BCL2L15: variants seen among roughly 807,000 people sequenced by gnomAD.
BCL2L15 encodes bcl-2-like protein 15.
Under a neutral mutation model 18.3 loss-of-function variants are expected in BCL2L15, and 15 were observed. The observed-to-expected ratio is 0.82, with a 90% CI of 0.55 to 1.26. The LOEUF (loss-of-function observed/expected upper bound fraction) is 1.26, where lower values mean the gene tolerates loss of function less well. BCL2L15 is among the 50% of genes most tolerant of loss of function. The pLI, the probability that BCL2L15 is intolerant of heterozygous loss-of-function variation, is 0.00. For missense variants in BCL2L15, 180 were observed against 201.7 expected, an observed-to-expected ratio of 0.89 and a Z score of 0.65; for synonymous variants, 58 against 68.5, an observed-to-expected ratio of 0.85 and a Z score of 0.76.
Position 113,881,028 on chromosome 1 carries a change from G to GT in BCL2L15, c.*94dup. On this transcript the variant is annotated 3_prime_UTR_variant, in exon 4 of 4. Coordinates refer to ENST00000393316, the MANE Select transcript of BCL2L15 (RefSeq NM_001010922.3). ...GTTCAGTTCTGATAAAATGAAAAAA[G>GT]TGCTTTTTTATTTGTTTGTTTGAAT... 3.2e-6 allele frequency: 5 copies of GT among 1,564,828 alleles called. No homozygotes were observed. The highest frequency in any genetic ancestry group is 4.4e-6 in the Non-Finnish European group (5 of 1,137,896).
chr1:113,877,826 A>G lies in BCL2L15; in HGVS notation c.*3297T>C, dbSNP rs748580552. Among the ~76,000 whole-genome samples, 1 of 152,208 alleles carries G rather than the reference A, an allele frequency of 6.6e-6. No individual in the cohort carries two copies. The highest frequency in any genetic ancestry group is 2.4e-5 in the African/African-American group (1 of 41,448). On this transcript the variant is annotated 3_prime_UTR_variant, in exon 4 of 4. Coordinates refer to ENST00000393316, the MANE Select transcript of BCL2L15 (RefSeq NM_001010922.3). Reference sequence around the variant, plus strand: ...CAGGACAAAAATGAAGTAACAAATGAGAAAAACTAGTTGGGTGAGTTGGAC... The same window carrying G: ...CAGGACAAAAATGAAGTAACAAATGGGAAAAACTAGTTGGGTGAGTTGGAC...
Position 113,880,484 on chromosome 1 carries a change from G to A in BCL2L15, c.*639C>T, listed in dbSNP as rs1314175661. The A allele has an allele frequency of 6.6e-6, 1 of 152,218 alleles. No individual in the cohort carries two copies. The highest frequency in any genetic ancestry group is 2.4e-5 in the African/African-American group (1 of 41,408). 9.4% of individuals were successfully genotyped at this position (152,218 alleles called of 1,614,324 possible). Reference sequence around the variant, plus strand: ...TACTAAAAATACAAAAAATTAGCCGGGCGTGATGGCGGGCTCCTGTAGTCC... The same window carrying A: ...TACTAAAAATACAAAAAATTAGCCGAGCGTGATGGCGGGCTCCTGTAGTCC... On this transcript the variant is annotated 3_prime_UTR_variant, in exon 4 of 4. Coordinates refer to ENST00000393316, the MANE Select transcript of BCL2L15 (RefSeq NM_001010922.3).
intron 3 of BCL2L15, 149 bp from the exon 4 acceptor site, chr1:113,881,289 AC>A: frequency 1.6e-6 from 2 of 1,232,840 alleles, no homozygotes; most frequent in Non-Finnish European, 2.3e-6. Context: ...GTGCTCTATG[AC>A]AGCATAAGTT....
intron 2 of BCL2L15, among the ~76,000 whole-genome samples, chr1:113,882,681 G>A (rs1368496807): frequency 2.0e-5 from 3 of 151,976 alleles, no homozygotes; most frequent in East Asian, 3.9e-4. Context: ...GTTCACACCC[G>A]TAATCCCAAC....
At position 113,886,602 on chromosome 1, in the gene BCL2L15, C is replaced by A; in HGVS notation, c.184G>T (p.Asp62Tyr). The A allele has an allele frequency of 6.2e-7, 1 of 1,613,834 alleles. No individual in the cohort carries two copies. The highest frequency in any genetic ancestry group is 1.1e-5 in the South Asian group (1 of 91,012). The change falls in exon 2 of 4, where the codon GAC (aspartate) becomes TAC (tyrosine). Residue 62 changes from aspartate to tyrosine, a missense_variant. By Grantham distance (160) the Asp-to-Tyr change is radical (BLOSUM62 -3). Transcript: ENST00000393316. ...IIAGRLRMLG[D>Y]QFNGELEASA... ...GCTTCCAATTCTCCGTTGAACTGGT[C>A]ACCCAACATCCGAAGGCGACCAGCA... is the stretch of plus-strand genomic sequence containing the variant.
At chr1:113,885,399 G>A (rs996003290) in intron 2 of BCL2L15, among the ~76,000 whole-genome samples, 5 of 152,086 alleles carry the variant, frequency 3.3e-5, no homozygotes, top group Non-Finnish European at 7.4e-5. Flanking sequence ...TGTATAGTAG[G>A]ACGAATAAAG....
intron 2 of BCL2L15, among the ~76,000 whole-genome samples, chr1:113,883,775 CCCCG>C (rs1335035063): frequency 1.3e-5 from 2 of 152,096 alleles, no homozygotes; most frequent in African/African-American, 4.8e-5. Context: ...CAGAGTGAGA[CCCCG>C]TCTCAAAAAA....
intron 2 of BCL2L15, among the ~76,000 whole-genome samples, chr1:113,883,481 C>CAA (rs34752806): frequency 0.016 from 2,230 of 137,636 alleles, 67 homozygotes; most frequent in African/African-American, 0.054. Context: ...GACTCCGTCT[C>CAA]AAAAAAAAAA....
Position 113,880,933 on chromosome 1 carries a change from A to G in BCL2L15, c.*190T>C. On this transcript the variant is annotated 3_prime_UTR_variant, in exon 4 of 4. Transcript: ENST00000393316. ...GTTGACAAAACAAAACAAAACAAAAACCAACTCTGCAGGCCTCTGGCAGCT... is the reference window on the plus strand; with the variant it reads ...GTTGACAAAACAAAACAAAACAAAAGCCAACTCTGCAGGCCTCTGGCAGCT... 1.4e-6 allele frequency: 1 copy of G among 704,276 alleles called. No homozygotes were observed. The highest frequency in any genetic ancestry group is 2.4e-6 in the Non-Finnish European group (1 of 420,994). The allele number at this position is 704,276 out of a possible 1,614,324, so 43.6% of individuals were successfully genotyped here.
In BCL2L15 at chr1:113,879,717, G is replaced by T. The variant is rs753684166; in HGVS notation, c.*1406C>A. On this transcript the variant is annotated 3_prime_UTR_variant, in exon 4 of 4. Coordinates refer to ENST00000393316, the MANE Select transcript of BCL2L15 (RefSeq NM_001010922.3). ...AGCCAACTTTTTCTGTAAAGGGCCA[G>T]CTAGTAAATATTTTGGACTTAACCA... The T allele has an allele frequency of 1.7e-4, 26 of 152,216 alleles. No individual in the cohort carries two copies. Among genetic ancestry groups the T allele is most frequent in the Non-Finnish European group, 5.9e-5 (4 of 68,040 alleles). The allele number at this position is 152,216 out of a possible 1,614,324, so 9.4% of individuals were successfully genotyped here.
rs574208293 is a variant in BCL2L15, at chr1:113,877,327, T to G, written c.*3796A>C. ...ACAGTAGGGAGCAGCTGAAGGTTTTTTTTTTTTTTTTAAAAAAAACAACCT... is the reference window on the plus strand; with the variant it reads ...ACAGTAGGGAGCAGCTGAAGGTTTTGTTTTTTTTTTTAAAAAAAACAACCT... On this transcript the variant is annotated 3_prime_UTR_variant, in exon 4 of 4. Transcript: ENST00000393316. Among the ~76,000 whole-genome samples the G allele has an allele frequency of 5.3e-5, 8 of 151,400 alleles. No homozygotes were observed. The highest frequency in any genetic ancestry group is 7.4e-5 in the Non-Finnish European group (5 of 67,846).
intron 2 of BCL2L15, among the ~76,000 whole-genome samples, chr1:113,883,237 C>G (rs1460188242): frequency 6.6e-6 from 1 of 152,104 alleles, no homozygotes; most frequent in African/African-American, 2.4e-5. Flanking sequence ...AATCCCAGTA[C>G]TTTGGGAGGC....
chr1:113,882,283 AGTAT>A (rs563509398), intron 2 of BCL2L15, among the ~76,000 whole-genome samples: 93 of 152,350 alleles, frequency 6.1e-4, no homozygotes, highest in Non-Finnish European at 1.1e-3. Context: ...AAAAATATTA[AGTAT>A]GTGATAGTCC....
At chr1:113,887,217 C>T (rs768575243) in intron 1 of BCL2L15, 32 bp downstream of exon 1, 1 of 1,603,058 alleles carries the variant, frequency 6.2e-7, no homozygotes, top group Non-Finnish European at 8.5e-7. Context: ...CTCTTATTGA[C>T]CTGCAATCAC....
Position 113,880,287 on chromosome 1 carries a change from CA to C in BCL2L15, c.*835del, listed in dbSNP as rs1325279511. ...AATAGTCCTTCTCAGGTGAAATTAACATGAAGTTTAGGGATGATTTTGAATG... is the reference window on the plus strand; with the variant it reads ...AATAGTCCTTCTCAGGTGAAATTAACTGAAGTTTAGGGATGATTTTGAATG... On this transcript the variant is annotated 3_prime_UTR_variant, in exon 4 of 4. Transcript: ENST00000393316. 1 of 152,232 alleles carries C rather than the reference CA, an allele frequency of 6.6e-6. No individual in the cohort carries two copies. Among genetic ancestry groups the C allele is most frequent in the Non-Finnish European group, 1.5e-5 (1 of 68,040 alleles). The allele number at this position is 152,232 out of a possible 1,614,324, so 9.4% of individuals were successfully genotyped here.
Position 113,880,853 on chromosome 1 carries a change from C to G in BCL2L15, c.*270G>C. The stretch of plus-strand genomic sequence containing the variant: ...CTAGGGGTCTTTGCTTCAACAGAAC[C>G]TCATTAAAACTCATGTGAAAACAGA... On this transcript the variant is annotated 3_prime_UTR_variant, in exon 4 of 4. Coordinates refer to ENST00000393316, the MANE Select transcript of BCL2L15 (RefSeq NM_001010922.3). The G allele has an allele frequency of 4.0e-6, 2 of 502,544 alleles. No individual in the cohort carries two copies. Among genetic ancestry groups the G allele is most frequent in the Non-Finnish European group, 7.1e-6 (2 of 279,828 alleles). The allele number at this position is 502,544 out of a possible 1,614,324, so 31.1% of individuals were successfully genotyped here. A position where few individuals can be genotyped will look rare whatever the true frequency, so the allele number is the denominator to read the frequency against.
chr1:113,885,545 T>C (rs1162204105), intron 2 of BCL2L15, among the ~76,000 whole-genome samples: 1 of 151,660 alleles, frequency 6.6e-6, no homozygotes, highest in East Asian at 2.0e-4. Flanking sequence ...CCTCAGTCTC[T>C]CAAGTAGCTG....
rs75266550 is a variant in BCL2L15, at chr1:113,881,336, A to G, written c.475-196T>C. 1.2e-3 allele frequency: 1,283 copies of G among 1,026,630 alleles called. 22 individuals carry two copies. In the East Asian group the frequency reaches 0.027, roughly 22 times the overall value. 63.6% of individuals were successfully genotyped at this position (1,026,630 alleles called of 1,614,324 possible). ...CTAAAACATGGGCTTAGAATACCTT[A>G]TATAGTTACCACTACAGCAAAGACT... On this transcript the variant is annotated intron_variant, in intron 3 of 3. Coordinates refer to ENST00000393316, the MANE Select transcript of BCL2L15 (RefSeq NM_001010922.3).
At chr1:113,882,093 T>C (rs539934279) in intron 2 of BCL2L15, 96 bp from the exon 3 acceptor site, 3 of 849,204 alleles carry the variant, frequency 3.5e-6, no homozygotes, top group South Asian at 1.7e-5. Flanking sequence ...TTTCTTAGAG[T>C]GCCAAATGTG....
Sources: gnomAD v4.1 joint callset for allele counts (sites outside exome capture counted in the v4.1 genomes callset) on GRCh38, gnomAD v4.1.1 for gene constraint, MANE v1.5 for transcripts, NCBI Gene and HGNC (gene_info 2026-07-23, HGNC 2026-07-21) for gene names.